SYNDIG1: variants seen among roughly 807,000 people sequenced by gnomAD.
SYNDIG1 encodes synapse differentiation inducing 1, also known as synapse differentiation-inducing gene protein 1.
SYNDIG1 carries 9 observed loss-of-function variants against 19.4 expected under a neutral mutation model. The ratio of observed to expected loss-of-function variants is 0.46; its 90% CI spans 0.28 to 0.81. SYNDIG1 has a LOEUF of 0.81. Among genes scored for constraint, SYNDIG1 ranks in the 30% least tolerant of loss-of-function variants. The pLI is 0.12. For missense variants in SYNDIG1, 311 were observed against 343.3 expected, an observed-to-expected ratio of 0.91 and a Z score of 0.74; for synonymous variants, 141 against 145.9, an observed-to-expected ratio of 0.97 and a Z score of 0.24.
intron 1 of SYNDIG1, among the ~76,000 whole-genome samples, chr20:24,521,429 T>C (rs1296011998): frequency 2.0e-5 from 3 of 152,132 alleles, no homozygotes; most frequent in Non-Finnish European, 4.4e-5. Flanking sequence ...GGCTGCTGTA[T>C]GGTAACTCAG....
At chr20:24,578,468 AAG>A (rs2058267552) in intron 2 of SYNDIG1, among the ~76,000 whole-genome samples, 1 of 151,868 alleles carries the variant, frequency 6.6e-6, no homozygotes, top group Non-Finnish European at 1.5e-5. Flanking sequence ...AAGAAAGAAA[AAG>A]AAAAGAAAAA....
chr20:24,485,898 A>G (rs1254262345), intron 1 of SYNDIG1, among the ~76,000 whole-genome samples: 1 of 152,186 alleles, frequency 6.6e-6, no homozygotes, highest in Non-Finnish European at 1.5e-5. Flanking sequence ...TCAAGGCAAG[A>G]AGTGAGAAAG....
chr20:24,528,136 CAA>C (rs2057166747), intron 1 of SYNDIG1, among the ~76,000 whole-genome samples: 2 of 152,176 alleles, frequency 1.3e-5, no homozygotes, highest in African/African-American at 2.4e-5. Flanking sequence ...AATTTTGTAA[CAA>C]GAGAATCTCT....
chr20:24,616,195 A>G (rs1228292603), intron 3 of SYNDIG1, among the ~76,000 whole-genome samples: 1 of 152,156 alleles, frequency 6.6e-6, no homozygotes, highest in African/African-American at 2.4e-5. Context: ...CCAAAGCTCT[A>G]TTTCAATATA....
At chr20:24,504,652 A>G (rs1360648503) in intron 1 of SYNDIG1, among the ~76,000 whole-genome samples, 1 of 152,194 alleles carries the variant, frequency 6.6e-6, no homozygotes, top group Non-Finnish European at 1.5e-5. Flanking sequence ...TCCAAACTTT[A>G]AAATCTGTAG....
intron 2 of SYNDIG1, among the ~76,000 whole-genome samples, chr20:24,559,660 C>G (rs1042458455): frequency 1.3e-5 from 2 of 152,176 alleles, no homozygotes; most frequent in Non-Finnish European, 2.9e-5. Flanking sequence ...TAAGACAGGT[C>G]TGCTAGGAAC....
Position 24,566,569 on chromosome 20 carries a change from C to A in SYNDIG1, c.481-18287C>A, listed in dbSNP as rs544829810. Among the ~76,000 whole-genome samples, 4 of 152,278 alleles carry A rather than the reference C, an allele frequency of 2.6e-5. No individual in the cohort carries two copies. The South Asian group carries it at 6.2e-4, about 24-fold the overall frequency. ...TCAGCTTGTTGTGTGAAGGGCTGGACTTGTTCTGATTACATTTGGCTGCAA... is the reference window on the plus strand; with the variant it reads ...TCAGCTTGTTGTGTGAAGGGCTGGAATTGTTCTGATTACATTTGGCTGCAA... On this transcript the variant is annotated intron_variant, in intron 2 of 3. Transcript: ENST00000376862.
At chr20:24,636,913 C>A (rs189676362) in intron 3 of SYNDIG1, among the ~76,000 whole-genome samples, 1 of 152,362 alleles carries the variant, frequency 6.6e-6, no homozygotes, top group East Asian at 1.9e-4. Flanking sequence ...TTGATCATGT[C>A]AACAGACCTA....
intron 3 of SYNDIG1, among the ~76,000 whole-genome samples, chr20:24,645,546 A>G (rs1317051144): frequency 6.6e-6 from 1 of 152,196 alleles, no homozygotes; most frequent in Non-Finnish European, 1.5e-5. Context: ...CGGAGAGTGA[A>G]AGAGGGAAGT....
chr20:24,654,531 A>G (rs747899962), intron 3 of SYNDIG1, among the ~76,000 whole-genome samples: 4 of 152,006 alleles, frequency 2.6e-5, no homozygotes, highest in Non-Finnish European at 5.9e-5. Context: ...GAAATGATCC[A>G]TAAAGTGCAA....
rs564038427 is a variant in SYNDIG1, at chr20:24,488,886, C to T, written c.-79+19133C>T. On this transcript the variant is annotated intron_variant, in intron 1 of 3. Transcript: ENST00000376862. ...CCCGGGCGCTCGGAGGAAAGGGACA[C>T]GCCTCGCTCCACAGCTCTGGAATGG... is the stretch of plus-strand genomic sequence containing the variant. 5.3e-5 allele frequency among the ~76,000 whole-genome samples: 8 copies of T among 152,298 alleles called. No individual in the cohort carries two copies. The East Asian group carries it at 7.7e-4, about 15-fold the overall frequency.
At chr20:24,563,778 T>G (rs1430692552) in intron 2 of SYNDIG1, among the ~76,000 whole-genome samples, 1 of 152,138 alleles carries the variant, frequency 6.6e-6, no homozygotes, top group Admixed American at 6.5e-5. Flanking sequence ...ATTTTTGTAT[T>G]TGTTTTTTTG....
intron 1 of SYNDIG1, among the ~76,000 whole-genome samples, chr20:24,493,072 G>A (rs1227251371): frequency 1.3e-5 from 2 of 152,176 alleles, no homozygotes; most frequent in East Asian, 1.9e-4. Context: ...AGAAAATTTA[G>A]GGAAACCTTT....
intron 3 of SYNDIG1, among the ~76,000 whole-genome samples, chr20:24,622,741 A>G (rs2059058267): frequency 6.6e-6 from 1 of 152,214 alleles, no homozygotes; most frequent in African/African-American, 2.4e-5. Flanking sequence ...CCACTAGTGT[A>G]ACATATGAAA....
chr20:24,585,143 G>A (rs2058396040), intron 3 of SYNDIG1, 150 bp downstream of exon 3: 1 of 1,057,158 alleles, frequency 9.5e-7, no homozygotes, highest in Non-Finnish European at 1.4e-6. Context: ...AGGATAGGCT[G>A]GGAGAAGTCG....
intron 1 of SYNDIG1, among the ~76,000 whole-genome samples, chr20:24,517,691 T>C (rs1383589573): frequency 6.9e-6 from 1 of 145,974 alleles, no homozygotes; most frequent in East Asian, 2.0e-4. Context: ...TGTATATATA[T>C]ATACACATAT....
Position 24,490,421 on chromosome 20 carries a change from C to T in SYNDIG1, c.-79+20668C>T, listed in dbSNP as rs192714614. Among the ~76,000 whole-genome samples the T allele has an allele frequency of 2.1e-3, 320 of 152,236 alleles. 6 individuals carry two copies. The highest frequency in any genetic ancestry group is 7.3e-3 in the African/African-American group (305 of 41,540). ...GGAGGGGAAACCAAGTCACAGTCCT[C>T]ATGGGAAAGGTGGTTTGGGGCTGGA... On this transcript the variant is annotated intron_variant, in intron 1 of 3. Coordinates refer to ENST00000376862, the MANE Select transcript of SYNDIG1 (RefSeq NM_024893.3).
chr20:24,493,987 G>A (rs773760990), intron 1 of SYNDIG1, among the ~76,000 whole-genome samples: 6 of 152,208 alleles, frequency 3.9e-5, no homozygotes, highest in Admixed American at 2.6e-4. Flanking sequence ...GGACAGAGCC[G>A]CGGATACTGG....
chr20:24,605,486 A>G (rs1384890382), intron 3 of SYNDIG1, among the ~76,000 whole-genome samples: 2 of 152,110 alleles, frequency 1.3e-5, no homozygotes, highest in Non-Finnish European at 2.9e-5. Context: ...TGCTGATTGT[A>G]GCTTCTGAGA....
Sources: allele counts gnomAD v4.1 joint callset (sites outside exome capture counted in the v4.1 genomes callset), GRCh38; gene constraint gnomAD v4.1.1; transcripts MANE v1.5; gene names NCBI Gene and HGNC (gene_info 2026-07-23, HGNC 2026-07-21).